Variants in MACROD2 observed in about 807,000 individuals in gnomAD.
MACROD2 encodes the protein ADP-ribose glycohydrolase MACROD2.
Under a neutral mutation model 70.4 loss-of-function variants are expected in MACROD2, and 36 were observed. That is an observed-to-expected ratio of 0.51 (90% CI 0.39 to 0.68). The LOEUF is 0.68. Among genes scored for constraint, MACROD2 ranks in the 30% least tolerant of loss-of-function variants. The pLI, the probability that MACROD2 is intolerant of heterozygous loss-of-function variation, is 0.00. For synonymous variants in MACROD2, 172 were observed against 178.8 expected (o/e 0.96, Z 0.30); for missense variants, 496 against 538.4 (o/e 0.92, Z 0.78).
At chr20:15,430,530 G>A (rs1040299650) in intron 6 of MACROD2, among the ~76,000 whole-genome samples, 13 of 151,972 alleles carry the variant, frequency 8.6e-5, no homozygotes, top group Non-Finnish European at 1.9e-4. Context: ...AGAGAAAGTT[G>A]CCATACCCAG....
intron 4 of MACROD2, among the ~76,000 whole-genome samples, chr20:14,590,753 A>G (rs990443374): frequency 4.6e-5 from 7 of 152,164 alleles, no homozygotes; most frequent in African/African-American, 1.4e-4. Flanking sequence ...GCTCTTAACT[A>G]TAATATTTTG....
chr20:14,178,804 C>T (rs550114131), intron 3 of MACROD2, among the ~76,000 whole-genome samples: 2 of 135,246 alleles, frequency 1.5e-5, no homozygotes, highest in Non-Finnish European at 3.0e-5. Context: ...AAAGTTTGGT[C>T]TCTCTTCCTT....
chr20:14,423,198 G>T (rs1488828183), intron 3 of MACROD2, among the ~76,000 whole-genome samples: 1 of 152,142 alleles, frequency 6.6e-6, no homozygotes, highest in East Asian at 1.9e-4. Context: ...GGAGAGGGAG[G>T]GGCAAGTATG....
At chr20:14,377,186 T>C (rs2083379876) in intron 3 of MACROD2, among the ~76,000 whole-genome samples, 1 of 152,196 alleles carries the variant, frequency 6.6e-6, no homozygotes, top group South Asian at 2.1e-4. Context: ...TGAAGGGCTT[T>C]GAAGAATAGA....
At chr20:14,718,087 G>A (rs1474087827) in intron 5 of MACROD2, among the ~76,000 whole-genome samples, 1 of 151,878 alleles carries the variant, frequency 6.6e-6, no homozygotes, top group Non-Finnish European at 1.5e-5. Flanking sequence ...GAGGTCAGGA[G>A]TTCGAGATCA....
chr20:14,381,787 C>G (rs573267578), intron 3 of MACROD2, among the ~76,000 whole-genome samples: 1 of 152,258 alleles, frequency 6.6e-6, no homozygotes, highest in East Asian at 1.9e-4. Context: ...AAGAAAAATT[C>G]TAAATTCAGC....
intron 6 of MACROD2, among the ~76,000 whole-genome samples, chr20:15,304,136 A>T (rs1034289484): frequency 1.3e-5 from 2 of 152,034 alleles, no homozygotes; most frequent in African/African-American, 4.8e-5. Context: ...TTATCTAGTA[A>T]CTTTTAAGTG....
intron 8 of MACROD2, among the ~76,000 whole-genome samples, chr20:15,716,244 T>C (rs920001761): frequency 7.9e-5 from 12 of 152,186 alleles, no homozygotes; most frequent in Non-Finnish European, 7.3e-5. Flanking sequence ...TATTTGGCAA[T>C]TGAAAGGCTT....
intron 6 of MACROD2, among the ~76,000 whole-genome samples, chr20:15,234,809 T>C (rs1410413599): frequency 6.6e-6 from 1 of 152,146 alleles, no homozygotes; most frequent in Non-Finnish European, 1.5e-5. Flanking sequence ...GGCTGGAAAA[T>C]GAAAATGCCT....
intron 5 of MACROD2, among the ~76,000 whole-genome samples, chr20:14,960,508 T>G (rs2074574002): frequency 6.6e-6 from 1 of 152,138 alleles, no homozygotes; most frequent in South Asian, 2.1e-4. Context: ...GAAAAGAGGG[T>G]TTTCGTATGT....
intron 5 of MACROD2, among the ~76,000 whole-genome samples, chr20:15,118,416 C>A (rs2076007534): frequency 6.6e-6 from 1 of 152,004 alleles, no homozygotes; most frequent in Non-Finnish European, 1.5e-5. Flanking sequence ...TGGTCTTGAT[C>A]TCTTGACCTC....
At chr20:14,098,456 G>T (rs983502384) in intron 3 of MACROD2, among the ~76,000 whole-genome samples, 4 of 152,152 alleles carry the variant, frequency 2.6e-5, no homozygotes, top group Admixed American at 2.6e-4. Flanking sequence ...TGTCATACTT[G>T]TGTCAAAAAT....
At chr20:14,609,320 A>G (rs1029141611) in intron 4 of MACROD2, among the ~76,000 whole-genome samples, 2 of 152,122 alleles carry the variant, frequency 1.3e-5, no homozygotes, top group African/African-American at 4.8e-5. Flanking sequence ...TGATGTTGGG[A>G]TGAGGAAAGA....
intron 3 of MACROD2, among the ~76,000 whole-genome samples, chr20:14,315,751 A>G (rs1343918323): frequency 6.6e-6 from 1 of 152,218 alleles, no homozygotes; most frequent in Non-Finnish European, 1.5e-5. Context: ...AAACTTAAAA[A>G]ATTGTATTGT....
In MACROD2 at chr20:15,302,899, T is replaced by C. The variant is rs78768150; in HGVS notation, c.540+72838T>C. On this transcript the variant is annotated intron_variant, in intron 6 of 17. Transcript: ENST00000684519. ...TTATTAGCCATATTTGGATGTTGTGTTCTGTGAACCTGCTACTTATATCCT... is the reference window on the plus strand; with the variant it reads ...TTATTAGCCATATTTGGATGTTGTGCTCTGTGAACCTGCTACTTATATCCT... Among the ~76,000 whole-genome samples, 51 of 152,318 alleles carry C rather than the reference T, an allele frequency of 3.3e-4. 1 individual carries two copies. In the East Asian group the frequency reaches 9.5e-3, roughly 28 times the overall value.
At chr20:14,440,240 A>C (rs973664879) in intron 3 of MACROD2, among the ~76,000 whole-genome samples, 1 of 152,170 alleles carries the variant, frequency 6.6e-6, no homozygotes, top group Non-Finnish European at 1.5e-5. Flanking sequence ...TATAGCTAAT[A>C]TATTCAGAAC....
chr20:16,028,684 C>A (rs2067113451), intron 15 of MACROD2, among the ~76,000 whole-genome samples: 1 of 152,116 alleles, frequency 6.6e-6, no homozygotes, highest in South Asian at 2.1e-4. Context: ...CAGGCACAGG[C>A]ACATTTTCCA....
chr20:15,328,953 C>T (rs1204242210), intron 6 of MACROD2, among the ~76,000 whole-genome samples: 4 of 151,698 alleles, frequency 2.6e-5, no homozygotes, highest in Admixed American at 6.6e-5. Context: ...AAATATACAG[C>T]GATGAAGAAA....
In MACROD2 at chr20:14,984,407, A is replaced by C. The variant is rs138133643; in HGVS notation, c.419-245533A>C. On this transcript the variant is annotated intron_variant, in intron 5 of 17. Coordinates refer to ENST00000684519, the MANE Select transcript of MACROD2 (RefSeq NM_001351661.2). ...GTTTACTAAAATGCAGATTTCACCA[A>C]AGCAAGAATATCCGGAATAGTCAGG... Among the ~76,000 whole-genome samples the C allele has an allele frequency of 7.9e-5, 12 of 152,264 alleles. No individual in the cohort carries two copies. In the East Asian group the frequency reaches 2.3e-3, roughly 29 times the overall value.
Sources: gnomAD v4.1 joint callset for allele counts (sites outside exome capture counted in the v4.1 genomes callset) on GRCh38, gnomAD v4.1.1 for gene constraint, MANE v1.5 for transcripts, NCBI Gene and HGNC (gene_info 2026-07-23, HGNC 2026-07-21) for gene names.